The following IDH2 variants were observed in gnomAD, a reference collection of about 807,000 sequenced individuals.
IDH2 encodes the protein isocitrate dehydrogenase (NADP(+)) 2.
IDH2 carries 18 observed loss-of-function variants against 50.5 expected under a neutral mutation model. That is an observed-to-expected ratio of 0.36 (90% CI 0.25 to 0.53). IDH2 has a LOEUF of 0.53. Ranked by LOEUF, IDH2 falls within the 20% of genes least tolerant of loss-of-function variation. The pLI is 0.92. For missense variants in IDH2, 518 were observed against 610.7 expected (o/e 0.85, Z 1.60); for synonymous variants, 280 against 239.8 (o/e 1.17, Z -1.55).
rs201999104 is a variant in IDH2, at chr15:90,091,612, C to T, written c.148G>A (p.Val50Met). The change falls in exon 2 of 11, where the codon GTG becomes ATG. Residue 50 changes from valine to methionine, a missense_variant. Physicochemically the swap from Val to Met is conservative, Grantham distance 21. Coordinates refer to ENST00000330062, the MANE Select transcript of IDH2 (RefSeq NM_002168.4). ...ADKRIKVAKPVVEMDGDEMTR... is the reference protein window; with the variant it reads ...ADKRIKVAKPMVEMDGDEMTR... ...ATCTCATCACCATCCATCTCCACCA[C>T]GGGCTTCGCCACCTTGATCCTTTTG... is the stretch of plus-strand genomic sequence containing the variant. 18 of 1,614,232 alleles carry T rather than the reference C, an allele frequency of 1.1e-5. No individual in the cohort carries two copies. The Admixed American group carries it at 1.5e-4, about 13-fold the overall frequency.
chr15:90,097,419 G>C (rs1481254883), intron 1 of IDH2, among the ~76,000 whole-genome samples: 1 of 152,150 alleles, frequency 6.6e-6, no homozygotes, highest in Non-Finnish European at 1.5e-5. Context: ...TGGGGATCTT[G>C]AAATGCATCC....
rs939867822 is a variant in IDH2 at position 90,094,402 on chromosome 15, C to A, written c.116-2758G>T. On this transcript the variant is annotated intron_variant, in intron 1 of 10. Coordinates refer to ENST00000330062, the MANE Select transcript of IDH2 (RefSeq NM_002168.4). ...GAAGCAGCAAATGCAGAGCAGGGAA[C>A]AAGATCTAATAAAACTTCAGTCACA... Among the ~76,000 whole-genome samples, 11 of 152,210 alleles carry A rather than the reference C, an allele frequency of 7.2e-5. No individual in the cohort carries two copies. In the East Asian group the frequency reaches 1.7e-3, roughly 24 times the overall value.
At position 90,090,483 on chromosome 15, in the gene IDH2, C is replaced by T. The variant is rs1901004692; in HGVS notation, c.369G>A (p.Val123=). 7 of 1,613,386 alleles carry T rather than the reference C, an allele frequency of 4.3e-6. No individual in the cohort carries two copies. The highest frequency in any genetic ancestry group is 5.9e-6 in the Non-Finnish European group (7 of 1,180,012). The change falls in exon 3 of 11, where the codon GTG becomes GTA. Residue 123 remains valine, a synonymous_variant. Transcript: ENST00000330062. ...CCCACCTCCACACCCTCGCACCTTC[C>T]ACACGGGCCTCATCAGGGGTGATGG... ...CATITPDEAR[V]EEFKLKKMWK...
chr15:90,093,738 G>A (rs1901109622), intron 1 of IDH2, among the ~76,000 whole-genome samples: 1 of 152,112 alleles, frequency 6.6e-6, no homozygotes, highest in South Asian at 2.1e-4. Flanking sequence ...TGCTGTCTCA[G>A]CTTCCTGAGT....
intron 1 of IDH2, among the ~76,000 whole-genome samples, chr15:90,094,437 C>T (rs1036922834): frequency 6.6e-6 from 1 of 152,240 alleles, no homozygotes; most frequent in Middle Eastern, 3.2e-3. Context: ...AGGGAAATCT[C>T]ACCAGCTCAG....
At chr15:90,095,117 T>A (rs1369982292) in intron 1 of IDH2, among the ~76,000 whole-genome samples, 1 of 151,656 alleles carries the variant, frequency 6.6e-6, no homozygotes, top group Non-Finnish European at 1.5e-5. Flanking sequence ...TTAGGGGGAA[T>A]AATGAGACTC....
At position 90,100,675 on chromosome 15, in the gene IDH2, GC is replaced by G. The variant is rs925191190; in HGVS notation, c.115+1600del. The G allele has an allele frequency of 2.0e-6, 2 of 984,358 alleles. No individual in the cohort carries two copies. Among genetic ancestry groups the G allele is most frequent in the African/African-American group, 3.5e-5 (2 of 57,180 alleles). 61.0% of individuals were successfully genotyped at this position (984,358 alleles called of 1,614,324 possible). Reference sequence around the variant, plus strand: ...GCAGCAAAGACACGGGGCTCTTTTAGCCCCAAAATATTCTTTCCTTGTCATC... The same window carrying G: ...GCAGCAAAGACACGGGGCTCTTTTAGCCCAAAATATTCTTTCCTTGTCATC... On this transcript the variant is annotated intron_variant, in intron 1 of 10. Coordinates refer to ENST00000330062, the MANE Select transcript of IDH2 (RefSeq NM_002168.4). The surrounding 1 kb of genome is among the most constrained non-coding windows in gnomAD (Gnocchi z 4.1).
chr15:90,083,883 C>G lies in IDH2; in HGVS notation c.*383G>C. The G allele has an allele frequency of 2.7e-6, 1 of 371,830 alleles. No homozygotes were observed. The highest frequency in any genetic ancestry group is 5.1e-6 in the Non-Finnish European group (1 of 197,612). 23.0% of individuals were successfully genotyped at this position (371,830 alleles called of 1,614,324 possible). The stretch of plus-strand genomic sequence containing the variant: ...GCCGTGGCAGCCCCTTCCTGAGGTG[C>G]TCTGGTCTGCCCCAGGGGAACCTGC... On this transcript the variant is annotated 3_prime_UTR_variant, in exon 11 of 11. Coordinates refer to ENST00000330062, the MANE Select transcript of IDH2 (RefSeq NM_002168.4).
intron 1 of IDH2, among the ~76,000 whole-genome samples, chr15:90,094,362 C>T (rs1022393533): frequency 2.0e-5 from 3 of 152,222 alleles, no homozygotes; most frequent in Non-Finnish European, 4.4e-5. Context: ...TGCTCCTCTG[C>T]CCACAGCCTG....
At position 90,090,697 on chromosome 15, in the gene IDH2, C is replaced by T. The variant is rs980696529; in HGVS notation, c.208-53G>A. On this transcript the variant is annotated intron_variant, in intron 2 of 10. Transcript: ENST00000330062. ...TCACCCCAGTGACTCAGGGACATGA[C>T]AACAAAGGGCAGGATAAGAAGTCTG... 10 of 1,580,772 alleles carry T rather than the reference C, an allele frequency of 6.3e-6. No homozygotes were observed. The African/African-American group carries it at 9.4e-5, about 15-fold the overall frequency.
chr15:90,087,511 A>G lies in IDH2; in HGVS notation c.743T>C (p.Met248Thr), dbSNP rs1418478547. The G allele has an allele frequency of 3.1e-6, 5 of 1,614,200 alleles. No homozygotes were observed. Among genetic ancestry groups the G allele is most frequent in the Non-Finnish European group, 4.2e-6 (5 of 1,180,040 alleles). Residue 248 changes from methionine (M) to threonine (T), a missense_variant, in exon 6 of 11, where the codon ATG becomes ACG. Physicochemically the swap from Met to Thr is moderately conservative, Grantham distance 81 (BLOSUM62 -1). Transcript: ENST00000330062. ...YAIQKKWPLY[M>T]STKNTILKAY... ...TTTCAGTATGGTGTTCTTGGTGCTC[A>G]TGTACAGCGGCCATTTCTTCTGGAT...
At chr15:90,096,415 G>A (rs963478917) in intron 1 of IDH2, among the ~76,000 whole-genome samples, 1 of 152,060 alleles carries the variant, frequency 6.6e-6, no homozygotes, top group Non-Finnish European at 1.5e-5. Flanking sequence ...AATCATCAGG[G>A]AAATGCAAAT....
rs368018432 is a variant in IDH2 at position 90,085,132 on chromosome 15, G to T, written c.1081-34C>A. 1.9e-6 allele frequency: 3 copies of T among 1,600,066 alleles called. No individual in the cohort carries two copies. The highest frequency in any genetic ancestry group is 1.7e-6 in the Non-Finnish European group (2 of 1,168,320). On this transcript the variant is annotated intron_variant, in intron 8 of 10. Transcript: ENST00000330062. The surrounding 1 kb of genome is among the most constrained non-coding windows in gnomAD (Gnocchi z 5.5). ...GGGGGTTGCAGGGAGATCAAGAGCC[G>T]AGCCAGCTAGTGAGGAGGCTGCCCA...
chr15:90,097,403 A>G (rs1901209227), intron 1 of IDH2, among the ~76,000 whole-genome samples: 1 of 152,216 alleles, frequency 6.6e-6, no homozygotes, highest in African/African-American at 2.4e-5. Context: ...AGTTTCAGGT[A>G]TCCACTGGGG....
rs1343817730 is a variant in IDH2 at position 90,083,191 on chromosome 15, G to A, written c.*1075C>T. The A allele has an allele frequency of 7.8e-6, 1 of 128,150 alleles. No individual in the cohort carries two copies. The highest frequency in any genetic ancestry group is 1.6e-5 in the Non-Finnish European group (1 of 64,220). 7.9% of individuals were successfully genotyped at this position (128,150 alleles called of 1,614,324 possible). A position where few individuals can be genotyped will look rare whatever the true frequency, so the allele number is the denominator to read the frequency against. ...TCTGTCACCCAGGCTGGAGTGCAGT[G>A]GTGCAGTCTCGGCTCACTGCAACCT... is the stretch of plus-strand genomic sequence containing the variant. On this transcript the variant is annotated 3_prime_UTR_variant, in exon 11 of 11. Coordinates refer to ENST00000330062, the MANE Select transcript of IDH2 (RefSeq NM_002168.4).
At chr15:90,087,989 A>T (rs1900913678) in intron 5 of IDH2, among the ~76,000 whole-genome samples, 1 of 152,098 alleles carries the variant, frequency 6.6e-6, no homozygotes, top group Admixed American at 6.6e-5. Context: ...CATGTGACTC[A>T]GCCTGGCATT....
At chr15:90,094,980 A>T (rs1901143295) in intron 1 of IDH2, among the ~76,000 whole-genome samples, 1 of 152,212 alleles carries the variant, frequency 6.6e-6, no homozygotes, top group Non-Finnish European at 1.5e-5. Flanking sequence ...AAGCAGGCCT[A>T]GAAACCACCT....
Position 90,085,825 on chromosome 15 carries a change from A to G in IDH2, c.968-438T>C, listed in dbSNP as rs1232665370. 6.6e-6 allele frequency among the ~76,000 whole-genome samples: 1 copy of G among 152,206 alleles called. No homozygotes were observed. Among genetic ancestry groups the G allele is most frequent in the Non-Finnish European group, 1.5e-5 (1 of 68,034 alleles). ...CAGCTACTCTCTTAGGCCACTTTCA[A>G]GCTTTTTGATTAATTTCTGAATGCT... On this transcript the variant is annotated intron_variant, in intron 7 of 10. Transcript: ENST00000330062. This position sits in a 1 kb window ranked among gnomAD's most constrained non-coding sequence, Gnocchi z 5.5.
In IDH2 at chr15:90,084,233, C is replaced by T. The variant is rs1220513285; in HGVS notation, c.*33G>A. 3.8e-6 allele frequency: 6 copies of T among 1,592,244 alleles called. No individual in the cohort carries two copies. The East Asian group carries it at 1.1e-4, about 30-fold the overall frequency. On this transcript the variant is annotated 3_prime_UTR_variant, in exon 11 of 11. Transcript: ENST00000330062. This position sits in a 1 kb window ranked among gnomAD's most constrained non-coding sequence, Gnocchi z 5.0. ...GGAGGACCCGCCGGCTCAGCCCTGG[C>T]CCCTCCACTGCAGCCATGGGTGGCG...
Sources: gnomAD v4.1 joint callset for allele counts (sites outside exome capture counted in the v4.1 genomes callset) on GRCh38, gnomAD v4.1.1 for gene constraint, Gnocchi (gnomAD v3.1) non-coding constraint, MANE v1.5 for transcripts, NCBI Gene and HGNC (gene_info 2026-07-23, HGNC 2026-07-21) for gene names.